MACF1: variants seen among roughly 807,000 people sequenced by gnomAD.
The protein encoded by MACF1 is microtubule-actin cross-linking factor 1.
In MACF1, 193 loss-of-function variants were observed where a neutral mutation model predicts 854.8. The ratio of observed to expected loss-of-function variants is 0.23; its 90% CI spans 0.20 to 0.25. MACF1 has a LOEUF of 0.25. Among genes scored for constraint, MACF1 ranks in the 10% least tolerant of loss-of-function variants. The pLI, the probability that MACF1 is intolerant of heterozygous loss-of-function variation, is 1.00. For synonymous variants in MACF1, 3,185 were observed against 3,226.7 expected (o/e 0.99, Z 0.44); for missense variants, 7,722 against 8,929.1 (o/e 0.86, Z 5.45).
intron 84 of MACF1, among the ~76,000 whole-genome samples, chr1:39,450,113 C>T (rs549124514): frequency 3.3e-5 from 5 of 152,072 alleles, no homozygotes; most frequent in Non-Finnish European, 5.9e-5. Context: ...CCACCTGCCT[C>T]GGCGTCCCAA....
chr1:39,231,302 GT>G, intron 2 of MACF1, 59 bp downstream of exon 2: 1 of 1,464,276 alleles, frequency 6.8e-7, no homozygotes, highest in African/African-American at 1.4e-5. Flanking sequence ...ATCTGGATCT[GT>G]CATTCCTTCT....
chr1:39,454,855 AC>A, intron 88 of MACF1, 53 bp from the exon 89 acceptor site: 1 of 1,478,758 alleles, frequency 6.8e-7, no homozygotes, highest in African/African-American at 1.4e-5. Flanking sequence ...GGCTTTGGAA[AC>A]AAAGGGGGTA....
chr1:39,368,025 A>G, intron 49 of MACF1, 123 bp from the exon 50 acceptor site: 1 of 530,686 alleles, frequency 1.9e-6, no homozygotes, highest in Non-Finnish European at 3.2e-6. Context: ...CTTTTCACTG[A>G]GTTGCATATT....
At chr1:39,199,049 G>A (rs916902489) in intron 2 of MACF1, among the ~76,000 whole-genome samples, 17 of 151,766 alleles carry the variant, frequency 1.1e-4, no homozygotes, top group African/African-American at 7.3e-5. Flanking sequence ...GCAGTGGCGC[G>A]ATCTCGGCTC....
At position 39,151,996 on chromosome 1, in the gene MACF1, C is replaced by T. The variant is rs138751116; in HGVS notation, c.220+67558C>T. 3.9e-3 allele frequency among the ~76,000 whole-genome samples: 585 copies of T among 151,636 alleles called. 2 individuals are homozygous for T. The highest frequency in any genetic ancestry group is 6.6e-3 in the Non-Finnish European group (447 of 67,922). Reference sequence around the variant, plus strand: ...ATATATTTTTTATTTTTTTTTAAGACGGAGTTTTGCTCTTGTTACCTAGGC... The same window carrying T: ...ATATATTTTTTATTTTTTTTTAAGATGGAGTTTTGCTCTTGTTACCTAGGC... On this transcript the variant is annotated intron_variant, in intron 2 of 93. Transcript: ENST00000361689.
At chr1:39,420,242 C>A (rs1489699667) in intron 58 of MACF1, among the ~76,000 whole-genome samples, 1 of 152,068 alleles carries the variant, frequency 6.6e-6, no homozygotes, top group Non-Finnish European at 1.5e-5. Context: ...AAAAGAGGGC[C>A]CTGTAATGTG....
At position 39,454,423 on chromosome 1, in the gene MACF1, G is replaced by A. The variant is rs142067453; in HGVS notation, c.20887-486G>A. Among the ~76,000 whole-genome samples the A allele has an allele frequency of 5.0e-3, 768 of 152,290 alleles. 5 individuals carry two copies. Among genetic ancestry groups the A allele is most frequent in the African/African-American group, 0.018 (734 of 41,554 alleles). On this transcript the variant is annotated intron_variant, in intron 88 of 100. Coordinates refer to ENST00000564288, the MANE Select transcript of MACF1 (RefSeq NM_001394062.1). ...TACTAGATTTTCTTTCAGGAGGGCT[G>A]ATATTTTATTCCAGCTCTTATCCCA...
intron 71 of MACF1, 80 bp from the exon 72 acceptor site, chr1:39,439,194 A>G (rs1450382665): frequency 2.9e-6 from 2 of 700,370 alleles, no homozygotes; most frequent in Admixed American, 4.7e-5. Context: ...AAAAGGTCAG[A>G]GTTACATGGA....
intron 16 of MACF1, among the ~76,000 whole-genome samples, chr1:39,292,496 G>C (rs1272532988): frequency 6.6e-6 from 1 of 152,160 alleles, no homozygotes; most frequent in African/African-American, 2.4e-5. Flanking sequence ...TGGGAATCAG[G>C]CATTGGTTTT....
chr1:39,214,438 A>G (rs1644551736), intron 1 of MACF1, among the ~76,000 whole-genome samples: 1 of 152,246 alleles, frequency 6.6e-6, no homozygotes, highest in Admixed American at 6.5e-5. Context: ...GATGGATGAA[A>G]GGATTTCTGG....
At position 39,332,942 on chromosome 1, in the gene MACF1, A is replaced by G; in HGVS notation, c.6354A>G (p.Thr2118=). 6 of 1,614,180 alleles carry G rather than the reference A, an allele frequency of 3.7e-6. No homozygotes were observed. Among genetic ancestry groups the G allele is most frequent in the Non-Finnish European group, 5.1e-6 (6 of 1,180,028 alleles). ...QLIGTQREDQ[T]AVSVRENASR... ...TAGGTACCCAAAGGGAAGACCAAAC[A>G]GCAGTGTCTGTCAGAGAAAATGCCA... is the stretch of plus-strand genomic sequence containing the variant. The change falls in exon 37 of 101, where the codon ACA becomes ACG. Residue 2118 remains threonine, a synonymous_variant. Transcript: ENST00000564288.
At chr1:39,478,514 C>T (rs1644953767) in intron 97 of MACF1, among the ~76,000 whole-genome samples, 1 of 152,158 alleles carries the variant, frequency 6.6e-6, no homozygotes, top group Admixed American at 6.5e-5. Flanking sequence ...GACTATAACT[C>T]AGAGGTTTTG....
intron 2 of MACF1, among the ~76,000 whole-genome samples, chr1:39,147,398 C>G (rs1004446412): frequency 1.1e-4 from 16 of 148,714 alleles, no homozygotes; most frequent in South Asian, 2.1e-4. Context: ...TTCTTTCCTT[C>G]CTTCCCTTTT....
intron 71 of MACF1, among the ~76,000 whole-genome samples, 185 bp from the exon 72 acceptor site, chr1:39,439,084 CAAAAA>C (rs760415601): frequency 1.2e-5 from 1 of 84,860 alleles, no homozygotes. Context: ...ACTCTGTCTC[CAAAAA>C]AAAAAAAAAG....
chr1:39,168,648 A>C (rs1643906740), intron 2 of MACF1, among the ~76,000 whole-genome samples: 1 of 151,802 alleles, frequency 6.6e-6, no homozygotes, highest in Non-Finnish European at 1.5e-5. Flanking sequence ...CTGTGTTTCT[A>C]CATTTATCAG....
chr1:39,443,610 C>A, intron 79 of MACF1, 36 bp downstream of exon 79: 3 of 1,568,976 alleles, frequency 1.9e-6, no homozygotes, highest in Non-Finnish European at 1.7e-6. Context: ...CATAAGCATC[C>A]CATATTCACT....
At chr1:39,232,386 G>A (rs957260361) in intron 2 of MACF1, among the ~76,000 whole-genome samples, 7 of 151,992 alleles carry the variant, frequency 4.6e-5, no homozygotes, top group East Asian at 1.9e-4. Context: ...TGATACTGTC[G>A]TCTACTCCTT....
At chr1:39,459,820 G>C in intron 91 of MACF1, 1 of 1,304,128 alleles carries the variant, frequency 7.7e-7, no homozygotes, top group Non-Finnish European at 1.0e-6. Context: ...TATCAAAGCA[G>C]CTATGCCTGG....
At chr1:39,086,769 A>G (rs1044142228) in intron 2 of MACF1, among the ~76,000 whole-genome samples, 1 of 152,206 alleles carries the variant, frequency 6.6e-6, no homozygotes, top group African/African-American at 2.4e-5. Context: ...CAAGGCTCCT[A>G]AGGACCCTGC....
Sources: gnomAD v4.1 joint callset for allele counts (sites outside exome capture counted in the v4.1 genomes callset) on GRCh38, gnomAD v4.1.1 for gene constraint, MANE v1.5 for transcripts, NCBI Gene and HGNC (gene_info 2026-07-23, HGNC 2026-07-21) for gene names.